The following HAS3 variants were observed in gnomAD, a reference collection of about 807,000 sequenced individuals.
The protein encoded by HAS3 is HA synthase 3.
HAS3 carries 27 observed loss-of-function variants against 50.3 expected under a neutral mutation model. The ratio of observed to expected loss-of-function variants is 0.54; its 90% CI spans 0.40 to 0.74. The LOEUF (loss-of-function observed/expected upper bound fraction) is 0.74. HAS3 is among the 30% of genes least tolerant of loss of function. The pLI, the probability that HAS3 is intolerant of heterozygous loss-of-function variation, is 0.00. For synonymous variants in HAS3, 339 were observed against 310.9 expected (o/e 1.09, Z -0.95); for missense variants, 517 against 742.8 (o/e 0.70, Z 3.53).
chr16:69,109,902 G>T lies in HAS3; in HGVS notation c.507G>T (p.Glu169Asp), dbSNP rs1960938398. The T allele has an allele frequency of 6.2e-7, 1 of 1,614,036 alleles. No homozygotes were observed. The highest frequency in any genetic ancestry group is 1.1e-5 in the South Asian group (1 of 91,084). The change falls in exon 2 of 4, where the codon GAG (glutamate) becomes GAT (aspartate). Residue 169 changes from glutamate (E) to aspartate (D), a missense_variant. Glu to Asp is a conservative substitution (Grantham distance 45). Coordinates refer to ENST00000569188, the MANE Select transcript of HAS3 (RefSeq NM_001199280.2). This position sits in a 1 kb window ranked among gnomAD's most constrained non-coding sequence, Gnocchi z 5.3. ...GEGETEASLQ[E>D]GMDRVRDVVR... is the part of the protein sequence containing the mutation. ...GTGAGACGGAGGCCAGCCTGCAGGAGGGCATGGACCGTGTGCGGGATGTGG... is the reference window on the plus strand; with the variant it reads ...GTGAGACGGAGGCCAGCCTGCAGGATGGCATGGACCGTGTGCGGGATGTGG...
In HAS3 at chr16:69,109,994, C is replaced by T. The variant is rs1960943269; in HGVS notation, c.599C>T (p.Ala200Val). The change falls in exon 2 of 4, where the codon GCC (alanine) becomes GTC (valine). Residue 200 changes from alanine to valine, a missense_variant. Transcript: ENST00000569188. This position sits in a 1 kb window ranked among gnomAD's most constrained non-coding sequence, Gnocchi z 5.3. Reference protein sequence around the residue: ...WGGKREVMYTAFKALGDSVDY... With the variant: ...WGGKREVMYTVFKALGDSVDY... ...GGCAAGCGCGAGGTCATGTACACGGCCTTCAAGGCCCTCGGCGATTCGGTG... is the reference window on the plus strand; with the variant it reads ...GGCAAGCGCGAGGTCATGTACACGGTCTTCAAGGCCCTCGGCGATTCGGTG... 1.2e-6 allele frequency: 2 copies of T among 1,611,190 alleles called. No homozygotes were observed. The highest frequency in any genetic ancestry group is 1.1e-5 in the South Asian group (1 of 91,022).
the HAS3 span, among the ~76,000 whole-genome samples, chr16:69,091,366 T>C: frequency 6.6e-6 from 1 of 152,176 alleles, no homozygotes; most frequent in Admixed American, 6.6e-5. Flanking sequence ...TAATTTCCAA[T>C]GGTTTTTCAA....
intron 2 of HAS3, among the ~76,000 whole-genome samples, chr16:69,111,156 G>GTTTT (rs1960987308): frequency 5.0e-5 from 4 of 80,182 alleles, no homozygotes; most frequent in Non-Finnish European, 8.0e-5. Flanking sequence ...TCTAGGCCAG[G>GTTTT]ATTTTTTTTT....
rs1410869383 is a variant in HAS3 at position 69,115,541 on chromosome 16, C to T, written c.*275C>T. The T allele has an allele frequency of 8.6e-7, 1 of 1,159,870 alleles. No homozygotes were observed. The highest frequency in any genetic ancestry group is 1.1e-6 in the Non-Finnish European group (1 of 940,990). 71.8% of individuals were successfully genotyped at this position (1,159,870 alleles called of 1,614,324 possible). A position where few individuals can be genotyped will look rare whatever the true frequency, so the allele number is the denominator to read the frequency against. ...ATCTGCACATAGGCAGTAGCCTCCTCCTGGGCTCCAGAGGGCACTCAGAAG... is the reference window on the plus strand; with the variant it reads ...ATCTGCACATAGGCAGTAGCCTCCTTCTGGGCTCCAGAGGGCACTCAGAAG... On this transcript the variant is annotated 3_prime_UTR_variant, in exon 4 of 4. Coordinates refer to ENST00000569188, the MANE Select transcript of HAS3 (RefSeq NM_001199280.2).
At chr16:69,113,297 C>T (rs897467964) in intron 2 of HAS3, 144 bp from the exon 3 acceptor site, 6 of 681,896 alleles carry the variant, frequency 8.8e-6, no homozygotes, top group East Asian at 2.7e-5. Flanking sequence ...CTTCTGGTAG[C>T]GCAGATCTCT....
At position 69,115,081 on chromosome 16, in the gene HAS3, G is replaced by C. The variant is rs1269849158; in HGVS notation, c.1477G>C (p.Gly493Arg). ...PVSIWVAVLL[G>R]GLAYTAYCQD... ...GTCCATCTGGGTGGCAGTTCTCCTG[G>C]GAGGGCTGGCCTACACAGCTTATTG... is the stretch of plus-strand genomic sequence containing the variant. The change falls in exon 4 of 4, where the codon GGA becomes CGA. Residue 493 changes from glycine to arginine, a missense_variant. Physicochemically the swap from Gly to Arg is moderately radical, Grantham distance 125 (BLOSUM62 -2). Coordinates refer to ENST00000569188, the MANE Select transcript of HAS3 (RefSeq NM_001199280.2). The C allele has an allele frequency of 6.2e-7, 1 of 1,613,438 alleles. No homozygotes were observed. The highest frequency in any genetic ancestry group is 8.5e-7 in the Non-Finnish European group (1 of 1,179,676).
In HAS3 at chr16:69,117,081, A is replaced by G. The variant is rs556848046; in HGVS notation, c.*1815A>G. 2.0e-6 allele frequency: 2 copies of G among 985,682 alleles called. No homozygotes were observed. Among genetic ancestry groups the G allele is most frequent in the East Asian group, 2.3e-4 (2 of 8,816 alleles). 61.1% of individuals were successfully genotyped at this position (985,682 alleles called of 1,614,324 possible). On this transcript the variant is annotated 3_prime_UTR_variant, in exon 4 of 4. Coordinates refer to ENST00000569188, the MANE Select transcript of HAS3 (RefSeq NM_001199280.2). The stretch of plus-strand genomic sequence containing the variant: ...TGGTAAGACTGCTGGTTGACATCAG[A>G]CCCAACCCATGAAGGCTGGAAGGCA...
At chr16:69,118,427 T>A (rs1393601114), downstream of HAS3, 1 of 1,612,848 alleles carries the variant, frequency 6.2e-7, no homozygotes, top group Non-Finnish European at 8.5e-7. Context: ...GGAAGCATGG[T>A]CCGTTCACCA....
At chr16:69,094,140 A>G in the HAS3 span, among the ~76,000 whole-genome samples, 8 of 152,086 alleles carry the variant, frequency 5.3e-5, no homozygotes, top group African/African-American at 9.7e-5. Context: ...GGAACTAGGA[A>G]AGCTACTGGG....
chr16:69,102,578 A>G (rs1426949024), upstream of HAS3, among the ~76,000 whole-genome samples: 2 of 152,204 alleles, frequency 1.3e-5, no homozygotes, highest in African/African-American at 2.4e-5. Context: ...AGAAAAAAAG[A>G]GAGTGCTCCC....
upstream of HAS3, among the ~76,000 whole-genome samples, chr16:69,103,002 C>CGTGTGT (rs1555531811): frequency 5.2e-4 from 60 of 115,170 alleles, no homozygotes; most frequent in African/African-American, 1.7e-3. Context: ...GTGGAGTGTG[C>CGTGTGT]ATGTGTGTGT....
rs1031539005 is a variant in HAS3 at position 69,116,918 on chromosome 16, C to G, written c.*1652C>G. 1 of 985,316 alleles carries G rather than the reference C, an allele frequency of 1.0e-6. No homozygotes were observed. Among genetic ancestry groups the G allele is most frequent in the Non-Finnish European group, 1.2e-6 (1 of 829,926 alleles). The allele number at this position is 985,316 out of a possible 1,614,324, so 61.0% of individuals were successfully genotyped here. ...ACAAGAGGGCAAGCCTCTAGTGTAC[C>G]AAGTGCTTCCTACAAAGACGCAAGG... On this transcript the variant is annotated 3_prime_UTR_variant, in exon 4 of 4. Coordinates refer to ENST00000569188, the MANE Select transcript of HAS3 (RefSeq NM_001199280.2).
In HAS3 at chr16:69,107,997, G is replaced by A. The variant is rs932580584; in HGVS notation, c.1-1399G>A. Among the ~76,000 whole-genome samples, 1 of 152,216 alleles carries A rather than the reference G, an allele frequency of 6.6e-6. No homozygotes were observed. Among genetic ancestry groups the A allele is most frequent in the African/African-American group, 2.4e-5 (1 of 41,456 alleles). On this transcript the variant is annotated intron_variant, in intron 1 of 3. Transcript: ENST00000569188. This position sits in a 1 kb window ranked among gnomAD's most constrained non-coding sequence, Gnocchi z 5.5. The stretch of plus-strand genomic sequence containing the variant: ...GTCCCTTCTACGTGAGAGGCGTCCC[G>A]ACAGGAAAGTGTGTTTGTTTTGGGG...
chr16:69,086,319 C>G, the HAS3 span, among the ~76,000 whole-genome samples: 1 of 151,724 alleles, frequency 6.6e-6, no homozygotes, highest in Admixed American at 6.6e-5. Context: ...CAGGTGTGCA[C>G]TATTGCACCT....
chr16:69,108,287 G>A (rs554628083), intron 1 of HAS3, among the ~76,000 whole-genome samples: 26 of 152,192 alleles, frequency 1.7e-4, no homozygotes, highest in Non-Finnish European at 3.2e-4. Flanking sequence ...CCATTTTTAG[G>A]GAAATGACTT....
intron 2 of HAS3, 40 bp downstream of exon 2, chr16:69,110,071 A>T (rs773743925): frequency 1.1e-5 from 17 of 1,548,508 alleles, no homozygotes; most frequent in Non-Finnish European, 1.3e-5. Context: ...CATGGGGATA[A>T]GTCTGGACAG....
At chr16:69,118,169 A>AAT, downstream of HAS3, 2 of 581,064 alleles carry the variant, frequency 3.4e-6, no homozygotes, top group Non-Finnish European at 6.1e-6. Flanking sequence ...ATCAGTTTAA[A>AAT]TTTTGAGGTT....
chr16:69,114,996 T>C lies in HAS3; in HGVS notation c.1392T>C (p.Ser464=). 6.2e-7 allele frequency: 1 copy of C among 1,614,164 alleles called. No homozygotes were observed. Among genetic ancestry groups the C allele is most frequent in the Non-Finnish European group, 8.5e-7 (1 of 1,180,028 alleles). Residue 464 remains serine (S), a synonymous_variant, in exon 4 of 4, where the codon TCT becomes TCC. Transcript: ENST00000569188. This position sits in a 1 kb window ranked among gnomAD's most constrained non-coding sequence, Gnocchi z 6.4. Reference sequence around the variant, plus strand: ...TTGCCATTGCTACCATCAACAAATCTGGCTGGGGCACCTCTGGCCGAAAAA... The same window carrying C: ...TTGCCATTGCTACCATCAACAAATCCGGCTGGGGCACCTCTGGCCGAAAAA... ...KIFAIATINK[S]GWGTSGRKTI...
chr16:69,089,365 G>T, the HAS3 span, among the ~76,000 whole-genome samples: 1,072 of 152,300 alleles, frequency 7.0e-3, 5 homozygotes, highest in Non-Finnish European at 0.011. Flanking sequence ...GTGGCAAAGG[G>T]AGAGAGTCAG....
Sources: gnomAD v4.1 joint callset for allele counts (sites outside exome capture counted in the v4.1 genomes callset) on GRCh38, gnomAD v4.1.1 for gene constraint, Gnocchi (gnomAD v3.1) non-coding constraint, MANE v1.5 for transcripts, NCBI Gene and HGNC (gene_info 2026-07-23, HGNC 2026-07-21) for gene names.